INPP4B: variants seen among roughly 807,000 people sequenced by gnomAD.
INPP4B encodes inositol polyphosphate-4-phosphatase type II B.
Under a neutral mutation model 122.5 loss-of-function variants are expected in INPP4B, and 55 were observed. The ratio of observed to expected loss-of-function variants is 0.45; its 90% confidence interval spans 0.36 to 0.56. The LOEUF is 0.56. INPP4B is among the 20% of genes least tolerant of loss of function. INPP4B has a pLI of 0.00. For synonymous variants in INPP4B, 403 were observed against 388.7 expected (o/e 1.04, Z -0.43); for missense variants, 1,000 against 1,097.7 (o/e 0.91, Z 1.26).
rs181855443 is a variant in INPP4B, at chr4:142,332,499, G to C, written c.373-17737C>G. On this transcript the variant is annotated intron_variant, in intron 7 of 25. Coordinates refer to ENST00000262992, the MANE Select transcript of INPP4B (RefSeq NM_001101669.3). Reference sequence around the variant, plus strand: ...TGAGAAATGAGTACACTTATTAAAGGGGGAAAAAAAAGCATATATAGTTAA... The same window carrying C: ...TGAGAAATGAGTACACTTATTAAAGCGGGAAAAAAAAGCATATATAGTTAA... 6.1e-3 allele frequency among the ~76,000 whole-genome samples: 920 copies of C among 151,606 alleles called. 14 individuals are homozygous for C. Among genetic ancestry groups the C allele is most frequent in the African/African-American group, 0.02 (832 of 41,366 alleles).
chr4:142,241,934 A>T (rs1295707796), intron 11 of INPP4B, among the ~76,000 whole-genome samples: 3 of 152,218 alleles, frequency 2.0e-5, no homozygotes, highest in Non-Finnish European at 2.9e-5. Context: ...TAGAAGCAGC[A>T]TATTTAAATG....
intron 18 of INPP4B, among the ~76,000 whole-genome samples, chr4:142,132,461 T>A (rs1281492243): frequency 3.3e-5 from 5 of 151,900 alleles, no homozygotes; most frequent in African/African-American, 9.7e-5. Flanking sequence ...CAGTCAATAT[T>A]TTTTTTTACC....
intron 7 of INPP4B, among the ~76,000 whole-genome samples, chr4:142,364,212 C>T (rs778248738): frequency 6.6e-6 from 1 of 151,904 alleles, no homozygotes; most frequent in Non-Finnish European, 1.5e-5. Context: ...TAAAAGTACC[C>T]CATATTCTAA....
At chr4:142,452,401 C>G (rs1287038920) in intron 3 of INPP4B, among the ~76,000 whole-genome samples, 1 of 152,178 alleles carries the variant, frequency 6.6e-6, no homozygotes, top group Non-Finnish European at 1.5e-5. Flanking sequence ...CTGTGTCATT[C>G]AGCAAAAGGG....
chr4:142,816,065 G>C (rs1780081083), intron 1 of INPP4B, among the ~76,000 whole-genome samples: 1 of 152,146 alleles, frequency 6.6e-6, no homozygotes, highest in African/African-American at 2.4e-5. Flanking sequence ...TGTCAGAGAA[G>C]TGAGCAGGCT....
At chr4:142,116,825 A>G in intron 21 of INPP4B, among the ~76,000 whole-genome samples, 1 of 152,200 alleles carries the variant, frequency 6.6e-6, no homozygotes, top group Non-Finnish European at 1.5e-5. Flanking sequence ...GCAGAACTGA[A>G]GGAGATAGAG....
intron 2 of INPP4B, among the ~76,000 whole-genome samples, chr4:142,535,722 A>T (rs1257835544): frequency 6.6e-6 from 1 of 151,826 alleles, no homozygotes; most frequent in East Asian, 1.9e-4. Flanking sequence ...AATTAATAAT[A>T]TGTGTGTGCA....
At position 142,024,216 on chromosome 4, in the gene INPP4B, G is replaced by A. The variant is rs574932799; in HGVS notation, c.*4566C>T. 3.9e-5 allele frequency: 6 copies of A among 152,090 alleles called. No individual in the cohort carries two copies. Among genetic ancestry groups the A allele is most frequent in the East Asian group, 3.9e-4 (2 of 5,172 alleles). The allele number at this position is 152,090 out of a possible 1,614,324, so 9.4% of individuals were successfully genotyped here. A position where few individuals can be genotyped will look rare whatever the true frequency, so the allele number is the denominator to read the frequency against. ...TGCTATAGGTGGCATCTCTGTGAACGCAGAGCTCTAAATTAAAACTGCCAA... is the reference window on the plus strand; with the variant it reads ...TGCTATAGGTGGCATCTCTGTGAACACAGAGCTCTAAATTAAAACTGCCAA... On this transcript the variant is annotated 3_prime_UTR_variant, in exon 26 of 26. Coordinates refer to ENST00000262992, the MANE Select transcript of INPP4B (RefSeq NM_001101669.3).
At chr4:142,545,715 G>A (rs13125039) in intron 2 of INPP4B, among the ~76,000 whole-genome samples, 293 of 104,238 alleles carry the variant, frequency 2.8e-3, no homozygotes, top group African/African-American at 9.0e-3. Context: ...ATATGTGTGT[G>A]TATATGTGTG....
At chr4:142,208,824 A>G in intron 13 of INPP4B, 72 bp downstream of exon 13, 3 of 1,161,716 alleles carry the variant, frequency 2.6e-6, no homozygotes, top group Non-Finnish European at 3.5e-6. Context: ...AAATCTATTT[A>G]TTATTTTTTT....
At chr4:142,456,247 T>G (rs1815393358) in intron 3 of INPP4B, among the ~76,000 whole-genome samples, 2 of 152,060 alleles carry the variant, frequency 1.3e-5, no homozygotes, top group Non-Finnish European at 2.9e-5. Context: ...CCTGGAGAGT[T>G]TTCCTAATGT....
chr4:142,134,604 T>C (rs1803040307), intron 18 of INPP4B, among the ~76,000 whole-genome samples: 1 of 151,980 alleles, frequency 6.6e-6, no homozygotes, highest in South Asian at 2.1e-4. Flanking sequence ...GAGATCAGCC[T>C]GAACAACATG....
At chr4:142,466,970 G>A (rs1251182165) in intron 2 of INPP4B, among the ~76,000 whole-genome samples, 1 of 152,240 alleles carries the variant, frequency 6.6e-6, no homozygotes, top group Non-Finnish European at 1.5e-5. Flanking sequence ...CAGGTGCACA[G>A]AATGCAAGAG....
intron 2 of INPP4B, among the ~76,000 whole-genome samples, chr4:142,608,131 T>C (rs1337728328): frequency 3.9e-5 from 6 of 152,210 alleles, no homozygotes; most frequent in African/African-American, 1.4e-4. Context: ...ATCAAGGGCC[T>C]ATTGTCTTCT....
At chr4:142,578,080 C>A (rs1734234073) in intron 2 of INPP4B, among the ~76,000 whole-genome samples, 1 of 151,820 alleles carries the variant, frequency 6.6e-6, no homozygotes, top group East Asian at 1.9e-4. Context: ...GTGCAAATAC[C>A]GGAGCTGAGG....
chr4:142,394,146 T>G (rs941411849), intron 7 of INPP4B, among the ~76,000 whole-genome samples: 20 of 146,102 alleles, frequency 1.4e-4, no homozygotes, highest in African/African-American at 4.9e-4. Flanking sequence ...TGGTTTTTTT[T>G]GTTTGTTTGT....
chr4:142,625,571 A>G (rs1746161930), intron 2 of INPP4B, among the ~76,000 whole-genome samples: 1 of 152,146 alleles, frequency 6.6e-6, no homozygotes, highest in East Asian at 1.9e-4. Flanking sequence ...GGTAATTTAT[A>G]GATTCAATGC....
intron 7 of INPP4B, among the ~76,000 whole-genome samples, chr4:142,391,786 G>A (rs978216592): frequency 2.0e-5 from 3 of 152,094 alleles, no homozygotes; most frequent in Admixed American, 6.5e-5. Flanking sequence ...TATAACCAAT[G>A]TTTGGTTTGT....
At chr4:142,545,933 T>A (rs1829595634) in intron 2 of INPP4B, among the ~76,000 whole-genome samples, 1 of 151,852 alleles carries the variant, frequency 6.6e-6, no homozygotes, top group African/African-American at 2.4e-5. Context: ...TTTATACATT[T>A]TTTTAATTTT....
Sources: gnomAD v4.1 joint callset for allele counts (sites outside exome capture counted in the v4.1 genomes callset) on GRCh38, gnomAD v4.1.1 for gene constraint, MANE v1.5 for transcripts, NCBI Gene and HGNC (gene_info 2026-07-23, HGNC 2026-07-21) for gene names.